Variants in CALCOCO2 observed in about 807,000 individuals in gnomAD.
CALCOCO2 encodes the protein calcium binding and coiled-coil domain 2, also known as calcium-binding and coiled-coil domain-containing protein 2.
A neutral mutation model predicts 62.5 loss-of-function variants in CALCOCO2; 42 were observed. That is an observed-to-expected ratio of 0.67 (90% confidence interval 0.53 to 0.87). The LOEUF (loss-of-function observed/expected upper bound fraction) is 0.87, where lower values mean the gene tolerates loss of function less well. Ranked by LOEUF, CALCOCO2 falls within the 40% of genes least tolerant of loss-of-function variation. The pLI is 0.00. For missense variants in CALCOCO2, 456 were observed against 515.0 expected (o/e 0.89, Z 1.11); for synonymous variants, 167 against 173.0 (o/e 0.97, Z 0.27).
chr17:48,837,089 G>T (rs1184083187), intron 1 of CALCOCO2, among the ~76,000 whole-genome samples: 1 of 152,130 alleles, frequency 6.6e-6, no homozygotes, highest in Non-Finnish European at 1.5e-5. Flanking sequence ...ACTCTTATCT[G>T]AGTGTTCTTC....
chr17:48,858,046 A>ATAGAAAATAG lies in CALCOCO2; in HGVS notation c.1008+1859_1008+1860insTAGAAAATAG. ...ATAGAATAGAATAGAATAGAATAGA[A>ATAGAAAATAG]AATAGAATAGAATAGAATAGAATAG... On this transcript the variant is annotated intron_variant, in intron 10 of 12. Coordinates refer to ENST00000258947, the MANE Select transcript of CALCOCO2 (RefSeq NM_005831.5). Among the ~76,000 whole-genome samples the ATAGAAAATAG allele has an allele frequency of 5.2e-4, 21 of 40,022 alleles. 1 individual carries two copies. Among genetic ancestry groups the ATAGAAAATAG allele is most frequent in the African/African-American group, 1.7e-3 (18 of 10,756 alleles). 26.3% of individuals were successfully genotyped at this position (40,022 alleles called of 152,430 possible). A position where few individuals can be genotyped will look rare whatever the true frequency, so the allele number is the denominator to read the frequency against.
intron 10 of CALCOCO2, chr17:48,856,395 C>A: frequency 2.0e-6 from 1 of 496,766 alleles, no homozygotes; most frequent in Non-Finnish European, 3.7e-6. Context: ...ATTTGTTTGG[C>A]ATGGCAATAG....
At chr17:48,845,371 C>CTGTGTGTGTGTG (rs56280364) in intron 2 of CALCOCO2, among the ~76,000 whole-genome samples, 8 of 116,210 alleles carry the variant, frequency 6.9e-5, no homozygotes, top group South Asian at 2.9e-4. Flanking sequence ...TAAATCCTCA[C>CTGTGTGTGTGTG]TGTGTGTGTG....
chr17:48,863,070 G>A lies in CALCOCO2; in HGVS notation c.*65G>A. ...ATAGAACCTATAGCTTCTACCATGA[G>A]TTATATGAGTCAAGATCCTGCCTAA... On this transcript the variant is annotated 3_prime_UTR_variant, in exon 13 of 13. Transcript: ENST00000258947. 8.3e-7 allele frequency: 1 copy of A among 1,199,652 alleles called. No homozygotes were observed. The highest frequency in any genetic ancestry group is 2.3e-5 in the East Asian group (1 of 42,856). 74.3% of individuals were successfully genotyped at this position (1,199,652 alleles called of 1,614,324 possible).
intron 2 of CALCOCO2, chr17:48,842,629 G>GCCTAACAATA (rs1230025875): frequency 6.6e-6 from 1 of 150,650 alleles, no homozygotes; most frequent in East Asian, 1.9e-4. Context: ...GCAGAACAAT[G>GCCTAACAATA]CCTAACTGAT....
In CALCOCO2 at chr17:48,860,655, C is replaced by T. The variant is rs562484672; in HGVS notation, c.1144+206C>T. ...TCCAGAAGACACAAATCAGATCATTCGCCTAGAGGCAGCAGACACAAATTG... is the reference window on the plus strand; with the variant it reads ...TCCAGAAGACACAAATCAGATCATTTGCCTAGAGGCAGCAGACACAAATTG... On this transcript the variant is annotated intron_variant, in intron 11 of 12. Transcript: ENST00000258947. Among the ~76,000 whole-genome samples the T allele has an allele frequency of 2.2e-4, 33 of 152,308 alleles. 1 individual carries two copies. The South Asian group carries it at 5.6e-3, about 26-fold the overall frequency.
At chr17:48,857,756 C>G (rs886752741) in intron 10 of CALCOCO2, among the ~76,000 whole-genome samples, 1 of 149,208 alleles carries the variant, frequency 6.7e-6, no homozygotes, top group Non-Finnish European at 1.5e-5. Flanking sequence ...AGGTGGATCA[C>G]AAGGTCAGGA....
intron 1 of CALCOCO2, chr17:48,839,557 C>G (rs1402022685): frequency 6.6e-6 from 1 of 151,144 alleles, no homozygotes; most frequent in Non-Finnish European, 1.5e-5. Context: ...CAATGTTGGC[C>G]AGATTGGTCT....
intron 5 of CALCOCO2, 168 bp from the exon 6 acceptor site, chr17:48,850,917 TAAAA>T (rs35936083): frequency 3.6e-3 from 1,294 of 355,506 alleles, no homozygotes; most frequent in East Asian, 9.6e-3. Flanking sequence ...GACACTGTCT[TAAAA>T]AAAAAAAAAA....
At chr17:48,832,267 G>A (rs1234211080) in intron 1 of CALCOCO2, among the ~76,000 whole-genome samples, 2 of 152,308 alleles carry the variant, frequency 1.3e-5, no homozygotes, top group East Asian at 1.9e-4. Flanking sequence ...GGTGGCGGGC[G>A]CCTGTAATCC....
chr17:48,846,177 C>T lies in CALCOCO2; in HGVS notation c.181-1887C>T, dbSNP rs1051380585. The T allele has an allele frequency of 4.5e-5, 33 of 734,742 alleles. No individual in the cohort carries two copies. The Middle Eastern group carries it at 1.2e-3, about 26-fold the overall frequency. The allele number at this position is 734,742 out of a possible 1,614,324, so 45.5% of individuals were successfully genotyped here. The stretch of plus-strand genomic sequence containing the variant: ...TTTGAGACAGAGTCTTGCTCTGTCA[C>T]CCAGGCTGGAGTGCAGAGGTGCAAT... On this transcript the variant is annotated intron_variant, in intron 2 of 12. Transcript: ENST00000258947.
intron 10 of CALCOCO2, among the ~76,000 whole-genome samples, chr17:48,857,984 G>C (rs1051690822): frequency 5.2e-5 from 1 of 19,298 alleles, no homozygotes; most frequent in South Asian, 3.7e-3. Context: ...CAATAGAATA[G>C]AATAGAATAG....
At chr17:48,851,341 TAGTC>T in intron 6 of CALCOCO2, 164 bp downstream of exon 6, 1 of 631,908 alleles carries the variant, frequency 1.6e-6, no homozygotes, top group Non-Finnish European at 2.8e-6. Context: ...GGTATCAGAA[TAGTC>T]AGGAAAAATG....
At chr17:48,838,497 G>A (rs2039928087) in intron 1 of CALCOCO2, among the ~76,000 whole-genome samples, 1 of 151,912 alleles carries the variant, frequency 6.6e-6, no homozygotes, top group African/African-American at 2.4e-5. Flanking sequence ...GGCTCATCAC[G>A]AGGTTAGGAG....
At chr17:48,845,489 A>G (rs9899347) in intron 2 of CALCOCO2, among the ~76,000 whole-genome samples, 151,386 of 151,386 alleles carry the variant, frequency 1, 75,693 homozygotes, top group Non-Finnish European at 1. Flanking sequence ...CAGCACTTTA[A>G]GAGGCCGAGG....
Position 48,856,100 on chromosome 17 carries a change from C to T in CALCOCO2, c.921C>T (p.Asn307=), listed in dbSNP as rs960841030. ...TTTTTTATTGTTGACAGGATGAAAA[C>T]TTTGACCTGTCAAAAAGACTGAGTG... ...MKKQQELMDE[N]FDLSKRLSEN... is the part of the protein sequence containing the mutation. The change falls in exon 10 of 13, where the codon AAC becomes AAT. Residue 307 remains asparagine, a synonymous_variant. Coordinates refer to ENST00000258947, the MANE Select transcript of CALCOCO2 (RefSeq NM_005831.5). The T allele has an allele frequency of 6.4e-7, 1 of 1,570,848 alleles. No homozygotes were observed. The highest frequency in any genetic ancestry group is 8.7e-7 in the Non-Finnish European group (1 of 1,144,120).
intron 10 of CALCOCO2, among the ~76,000 whole-genome samples, chr17:48,858,602 T>C (rs1312603550): frequency 6.6e-6 from 1 of 151,942 alleles, no homozygotes. Context: ...AGTGATGGGA[T>C]TACAGGCATA....
At chr17:48,851,000 G>C (rs980295954) in intron 5 of CALCOCO2, 89 bp from the exon 6 acceptor site, 6 of 732,268 alleles carry the variant, frequency 8.2e-6, no homozygotes, top group Non-Finnish European at 1.5e-5. Context: ...CATATAGTAA[G>C]TGCTCAATAA....
intron 1 of CALCOCO2, among the ~76,000 whole-genome samples, chr17:48,832,943 C>T (rs1567747355): frequency 6.6e-6 from 1 of 152,136 alleles, no homozygotes; most frequent in Non-Finnish European, 1.5e-5. Context: ...CAAATTCAAA[C>T]AATTGTTAAT....
Sources: allele counts gnomAD v4.1 joint callset (sites outside exome capture counted in the v4.1 genomes callset), GRCh38; gene constraint gnomAD v4.1.1; transcripts MANE v1.5; gene names NCBI Gene and HGNC (gene_info 2026-07-23, HGNC 2026-07-21).